The following PCDHB8 variants were observed in gnomAD, a reference collection of about 807,000 sequenced individuals.
The protein encoded by PCDHB8 is protocadherin beta 8.
For synonymous variants in PCDHB8, 385 were observed against 448.5 expected (o/e 0.86, Z 1.79); for missense variants, 836 against 1,004.0 (o/e 0.83, Z 2.26).
chr5:141,180,523 C>A lies in PCDHB8; in HGVS notation c.*83C>A. The A allele has an allele frequency of 9.4e-7, 1 of 1,067,682 alleles. No individual in the cohort carries two copies. The highest frequency in any genetic ancestry group is 1.3e-6 in the Non-Finnish European group (1 of 768,834). The allele number at this position is 1,067,682 out of a possible 1,614,324, so 66.1% of individuals were successfully genotyped here. A position where few individuals can be genotyped will look rare whatever the true frequency, so the allele number is the denominator to read the frequency against. On this transcript the variant is annotated 3_prime_UTR_variant, in exon 1 of 1. Coordinates refer to ENST00000239444, the MANE Select transcript of PCDHB8 (RefSeq NM_019120.5). Reference sequence around the variant, plus strand: ...TCAACTTAGCATAAATTTTAAATTACACTACATTTGCCCATAGTATTTGTC... The same window carrying A: ...TCAACTTAGCATAAATTTTAAATTAAACTACATTTGCCCATAGTATTTGTC...
In PCDHB8 at chr5:141,180,333, C is replaced by A. The variant is rs2740583; in HGVS notation, c.2299C>A (p.Leu767Ile). 2.3e-3 allele frequency: 3,698 copies of A among 1,613,964 alleles called. 8 individuals carry two copies. The highest frequency in any genetic ancestry group is 4.8e-3 in the Middle Eastern group (29 of 6,040). ...AGGSGTNEFQLLKPVLPNIQG... is the reference protein window; with the variant it reads ...AGGSGTNEFQILKPVLPNIQG... ...AGGCTCAGGGACGAATGAGTTCCAG[C>A]TCCTGAAACCAGTATTACCTAATAT... The change falls in exon 1 of 1, where the codon CTC (leucine) becomes ATC (isoleucine). Residue 767 changes from leucine to isoleucine, a missense_variant. Coordinates refer to ENST00000239444, the MANE Select transcript of PCDHB8 (RefSeq NM_019120.5).
rs1266906187 is a variant in PCDHB8, at chr5:141,179,211, C to A, written c.1177C>A (p.Leu393Ile). 2 of 1,614,184 alleles carry A rather than the reference C, an allele frequency of 1.2e-6. No individual in the cohort carries two copies. The highest frequency in any genetic ancestry group is 3.3e-5 in the Admixed American group (2 of 60,028). Residue 393 changes from leucine to isoleucine, a missense_variant, in exon 1 of 1, where the codon CTC (leucine) becomes ATC (isoleucine). By Grantham distance (5) the Leu-to-Ile change is conservative. Transcript: ENST00000239444. ...SCSIQEDLPF[L>I]LKSSVGNFYT... ...CTCCATTCAGGAGGATCTACCCTTC[C>A]TCCTGAAATCTTCTGTGGGGAACTT...
In PCDHB8 at chr5:141,179,005, A is replaced by T. The variant is rs782515074; in HGVS notation, c.971A>T (p.Asp324Val). ...QSYEVNIEAR[D>V]AGGFSGKCTV... is the part of the protein sequence containing the mutation. ...TATGAAGTCAATATCGAGGCGAGAGATGCTGGAGGCTTTTCTGGAAAATGC... is the reference window on the plus strand; with the variant it reads ...TATGAAGTCAATATCGAGGCGAGAGTTGCTGGAGGCTTTTCTGGAAAATGC... Residue 324 changes from aspartate (D) to valine (V), a missense_variant, in exon 1 of 1, where the codon GAT becomes GTT. Asp to Val is a radical substitution (Grantham distance 152). Transcript: ENST00000239444. The T allele has an allele frequency of 6.2e-7, 1 of 1,614,240 alleles. No homozygotes were observed. The highest frequency in any genetic ancestry group is 8.5e-7 in the Non-Finnish European group (1 of 1,180,048).
chr5:141,180,506 G>C lies in PCDHB8; in HGVS notation c.*66G>C. 3.2e-6 allele frequency: 4 copies of C among 1,241,208 alleles called. No individual in the cohort carries two copies. The allele number at this position is 1,241,208 out of a possible 1,614,324, so 76.9% of individuals were successfully genotyped here. On this transcript the variant is annotated 3_prime_UTR_variant, in exon 1 of 1. Coordinates refer to ENST00000239444, the MANE Select transcript of PCDHB8 (RefSeq NM_019120.5). ...AAAGGAATGGTTTTCTGTCAACTTAGCATAAATTTTAAATTACACTACATT... is the reference window on the plus strand; with the variant it reads ...AAAGGAATGGTTTTCTGTCAACTTACCATAAATTTTAAATTACACTACATT...
rs782799227 is a variant in PCDHB8 at position 141,180,450 on chromosome 5, T to A, written c.*10T>A. 6.7e-7 allele frequency: 1 copy of A among 1,490,116 alleles called. No homozygotes were observed. The highest frequency in any genetic ancestry group is 2.2e-5 in the Admixed American group (1 of 44,534). The allele number at this position is 1,490,116 out of a possible 1,614,324, so 92.3% of individuals were successfully genotyped here. ...CCTTCAGTTAAAGTAATTGATTTCA[T>A]ATTATATATTTTAATTTTTATGATC... On this transcript the variant is annotated 3_prime_UTR_variant, in exon 1 of 1. Coordinates refer to ENST00000239444, the MANE Select transcript of PCDHB8 (RefSeq NM_019120.5).
Position 141,179,753 on chromosome 5 carries a change from C to A in PCDHB8, c.1719C>A (p.Cys573Ter), listed in dbSNP as rs150243744. The change falls in exon 1 of 1, where the codon TGC becomes TGA. Residue 573 changes from cysteine (C) to a stop codon, truncating the protein, a stop_gained. Coordinates refer to ENST00000239444, the MANE Select transcript of PCDHB8 (RefSeq NM_019120.5). LOFTEE classifies it low-confidence loss of function (END_TRUNC). ...LYPLQNGSAPCTELVPRAAEP... is the reference protein window; with the variant it reads ...LYPLQNGSAP ...CGCTGCAGAATGGCTCCGCGCCCTGCACCGAGCTGGTGCCCCGGGCGGCCG... is the reference window on the plus strand; with the variant it reads ...CGCTGCAGAATGGCTCCGCGCCCTGAACCGAGCTGGTGCCCCGGGCGGCCG... 1,517 of 1,611,238 alleles carry A rather than the reference C, an allele frequency of 9.4e-4. 11 individuals carry two copies. In the African/African-American group the frequency reaches 0.017, roughly 18 times the overall value.
In PCDHB8 at chr5:141,178,997, G is replaced by A. The variant is rs377558320; in HGVS notation, c.963G>A (p.Glu321=). 1.1e-5 allele frequency: 17 copies of A among 1,614,118 alleles called. No individual in the cohort carries two copies. The highest frequency in any genetic ancestry group is 4.0e-5 in the African/African-American group (3 of 74,930). Residue 321 remains glutamate, a synonymous_variant, in exon 1 of 1, where the codon GAG becomes GAA. Transcript: ENST00000239444. ...EKFQSYEVNI[E]ARDAGGFSGK... is the part of the protein sequence containing the mutation. ...TTCAGTCCTATGAAGTCAATATCGA[G>A]GCGAGAGATGCTGGAGGCTTTTCTG...
At position 141,178,837 on chromosome 5, in the gene PCDHB8, C is replaced by A. The variant is rs370348215; in HGVS notation, c.803C>A (p.Thr268Lys). 1 of 1,613,758 alleles carries A rather than the reference C, an allele frequency of 6.2e-7. No individual in the cohort carries two copies. The highest frequency in any genetic ancestry group is 1.3e-5 in the African/African-American group (1 of 74,942). The change falls in exon 1 of 1, where the codon ACG becomes AAG. Residue 268 changes from threonine to lysine, a missense_variant. By Grantham distance (78) the Thr-to-Lys change is moderately conservative. Coordinates refer to ENST00000239444, the MANE Select transcript of PCDHB8 (RefSeq NM_019120.5). The part of the protein sequence containing the change: ...ISFLVVKVSA[T>K]DVDTGVNGEI... ...TTCCTGGTTGTGAAGGTCTCTGCCA[C>A]GGATGTAGACACAGGAGTCAACGGA...
At position 141,179,658 on chromosome 5, in the gene PCDHB8, T is replaced by C. The variant is rs376627994; in HGVS notation, c.1624T>C (p.Leu542=). The C allele has an allele frequency of 2.8e-5, 45 of 1,612,432 alleles. No homozygotes were observed. The highest frequency in any genetic ancestry group is 2.0e-4 in the Middle Eastern group (1 of 5,028). Residue 542 remains leucine, a synonymous_variant, in exon 1 of 1, where the codon TTG becomes CTG. Transcript: ENST00000239444. ...VGASDRGSPA[L]SSEALVRVLV... ...CGCTTCAGACCGCGGCTCCCCGGCT[T>C]TGAGCAGCGAGGCGCTGGTGCGCGT...
At position 141,180,252 on chromosome 5, in the gene PCDHB8, G is replaced by C. The variant is rs570751644; in HGVS notation, c.2218G>C (p.Val740Leu). The C allele has an allele frequency of 3.1e-6, 5 of 1,613,740 alleles. No homozygotes were observed. In the South Asian group the frequency reaches 4.4e-5, roughly 14 times the overall value. The change falls in exon 1 of 1, where the codon GTG becomes CTG. Residue 740 changes from valine (V) to leucine (L), a missense_variant. Coordinates refer to ENST00000239444, the MANE Select transcript of PCDHB8 (RefSeq NM_019120.5). ...EGPFPGHLVD[V>L]RGTGSLSQNY... ...CCCCTTTCCAGGGCATCTGGTGGACGTGAGGGGCACCGGGAGCCTGTCTCA... is the reference window on the plus strand; with the variant it reads ...CCCCTTTCCAGGGCATCTGGTGGACCTGAGGGGCACCGGGAGCCTGTCTCA...
rs782638830 is a variant in PCDHB8, at chr5:141,179,074, A to G, written c.1040A>G (p.Glu347Gly). The G allele has an allele frequency of 6.2e-7, 1 of 1,614,122 alleles. No homozygotes were observed. The highest frequency in any genetic ancestry group is 2.2e-5 in the East Asian group (1 of 44,894). The change falls in exon 1 of 1, where the codon GAA becomes GGA. Residue 347 changes from glutamate (E) to glycine (G), a missense_variant. Glu to Gly is a moderately conservative substitution (Grantham distance 98). Coordinates refer to ENST00000239444, the MANE Select transcript of PCDHB8 (RefSeq NM_019120.5). ...ATAGATGTGAACGACCATGCCCCAG[A>G]AGTTACCATGTCTGCATTTACCAGC... ...QVIDVNDHAPEVTMSAFTSPI... is the reference protein window; with the variant it reads ...QVIDVNDHAPGVTMSAFTSPI...
Position 141,179,193 on chromosome 5 carries a change from C to T in PCDHB8, c.1159C>T (p.Gln387Ter), listed in dbSNP as rs1554281119. 6.2e-7 allele frequency: 1 copy of T among 1,614,082 alleles called. No homozygotes were observed. Among genetic ancestry groups the T allele is most frequent in the African/African-American group, 1.3e-5 (1 of 74,922 alleles). ...AAATGGGAAAATAAGTTGCTCCATT[C>T]AGGAGGATCTACCCTTCCTCCTGAA... ...GENGKISCSI[Q>*]EDLPFLLKSS... is the part of the protein sequence containing the mutation. Residue 387 changes from glutamine (Q) to a stop codon, truncating the protein, a stop_gained, in exon 1 of 1, where the codon CAG becomes TAG. Transcript: ENST00000239444. LOFTEE classifies it low-confidence loss of function (END_TRUNC).
chr5:141,180,278 G>A lies in PCDHB8; in HGVS notation c.2244G>A (p.Gln748=), dbSNP rs1554281681. 4.3e-6 allele frequency: 7 copies of A among 1,613,904 alleles called. No individual in the cohort carries two copies. Among genetic ancestry groups the A allele is most frequent in the Admixed American group, 1.7e-5 (1 of 60,006 alleles). The change falls in exon 1 of 1, where the codon CAG becomes CAA. Residue 748 remains glutamine, a synonymous_variant. Coordinates refer to ENST00000239444, the MANE Select transcript of PCDHB8 (RefSeq NM_019120.5). ...VDVRGTGSLS[Q]NYQYEVCLAG... ...TGAGGGGCACCGGGAGCCTGTCTCA[G>A]AACTATCAGTACGAGGTGTGCCTGG... is the stretch of plus-strand genomic sequence containing the variant.
In PCDHB8 at chr5:141,179,991, T is replaced by A; in HGVS notation, c.1957T>A (p.Cys653Ser). The change falls in exon 1 of 1, where the codon TGC becomes AGC. Residue 653 changes from cysteine (C) to serine (S), a missense_variant. Coordinates refer to ENST00000239444, the MANE Select transcript of PCDHB8 (RefSeq NM_019120.5). ...VLVKDNGEPP[C>S]SATATLHVLL... Reference sequence around the variant, plus strand: ...GGTCAAGGACAATGGCGAGCCTCCGTGCTCGGCCACCGCCACGCTGCACGT... The same window carrying A: ...GGTCAAGGACAATGGCGAGCCTCCGAGCTCGGCCACCGCCACGCTGCACGT... 2.5e-6 allele frequency: 4 copies of A among 1,603,998 alleles called. No homozygotes were observed. The highest frequency in any genetic ancestry group is 1.3e-5 in the African/African-American group (1 of 74,944).
rs1554281726 is a variant in PCDHB8, at chr5:141,180,412, G to A, written c.2378G>A (p.Gly793Asp). Residue 793 changes from glycine (G) to aspartate (D), a missense_variant, in exon 1 of 1, where the codon GGC (glycine) becomes GAC (aspartate). Coordinates refer to ENST00000239444, the MANE Select transcript of PCDHB8 (RefSeq NM_019120.5). ...EMEQNSNFRN[G>D]FGFSLQLK ...GAACAAAACTCTAACTTTAGGAATG[G>A]CTTTGGTTTCAGCCTTCAGTTAAAG... 1 of 1,596,836 alleles carries A rather than the reference G, an allele frequency of 6.3e-7. No homozygotes were observed. The highest frequency in any genetic ancestry group is 8.6e-7 in the Non-Finnish European group (1 of 1,167,012).
chr5:141,178,978 C>A lies in PCDHB8; in HGVS notation c.944C>A (p.Ser315Tyr), dbSNP rs781978928. ...KKQLDFEKFQ[S>Y]YEVNIEARDA... is the part of the protein sequence containing the mutation. ...CAACTTGATTTCGAAAAATTTCAGTCCTATGAAGTCAATATCGAGGCGAGA... is the reference window on the plus strand; with the variant it reads ...CAACTTGATTTCGAAAAATTTCAGTACTATGAAGTCAATATCGAGGCGAGA... Residue 315 changes from serine to tyrosine, a missense_variant, in exon 1 of 1, where the codon TCC (serine) becomes TAC (tyrosine). Transcript: ENST00000239444. The A allele has an allele frequency of 1.2e-6, 2 of 1,614,208 alleles. No homozygotes were observed. Among genetic ancestry groups the A allele is most frequent in the Non-Finnish European group, 1.7e-6 (2 of 1,180,048 alleles).
chr5:141,178,568 T>G lies in PCDHB8; in HGVS notation c.534T>G (p.Tyr178Ter), dbSNP rs184970149. 3.4e-5 allele frequency: 55 copies of G among 1,614,104 alleles called. No individual in the cohort carries two copies. In the African/African-American group the frequency reaches 6.4e-4, roughly 19 times the overall value. The change falls in exon 1 of 1, where the codon TAT becomes TAG. Residue 178 changes from tyrosine (Y) to a stop codon, truncating the protein, a stop_gained. Transcript: ENST00000239444. LOFTEE classifies it low-confidence loss of function (END_TRUNC). ...ACTATATAATCAGCCCCAACTCCTATTTTCGGGTCCTCACCCGCAAACGCA... is the reference window on the plus strand; with the variant it reads ...ACTATATAATCAGCCCCAACTCCTAGTTTCGGGTCCTCACCCGCAAACGCA... ...IENYIISPNS[Y>*]FRVLTRKRSD...
rs1278590389 is a variant in PCDHB8 at position 141,179,317 on chromosome 5, G to A, written c.1283G>A (p.Gly428Glu). ...YNVTITVTDLGTPRLTTHLNM... is the reference protein window; with the variant it reads ...YNVTITVTDLETPRLTTHLNM... Reference sequence around the variant, plus strand: ...GTCACTATCACCGTCACTGACTTAGGGACACCCAGGCTGACAACACATCTC... The same window carrying A: ...GTCACTATCACCGTCACTGACTTAGAGACACCCAGGCTGACAACACATCTC... Residue 428 changes from glycine (G) to glutamate (E), a missense_variant, in exon 1 of 1, where the codon GGG becomes GAG. Gly to Glu is a moderately conservative substitution (Grantham distance 98). Coordinates refer to ENST00000239444, the MANE Select transcript of PCDHB8 (RefSeq NM_019120.5). The A allele has an allele frequency of 1.2e-6, 2 of 1,614,186 alleles. No individual in the cohort carries two copies. Among genetic ancestry groups the A allele is most frequent in the African/African-American group, 2.7e-5 (2 of 75,020 alleles).
Position 141,180,051 on chromosome 5 carries a change from C to A in PCDHB8, c.2017C>A (p.Pro673Thr). 6.2e-7 allele frequency: 1 copy of A among 1,609,782 alleles called. No individual in the cohort carries two copies. The highest frequency in any genetic ancestry group is 1.1e-5 in the South Asian group (1 of 90,986). ...GGACGGCTTCTCCCAGCCCTACCTG[C>A]CGCTTCCGGAGGCTGCCCCAGCCCA... ...LVDGFSQPYLPLPEAAPAQGQ... is the reference protein window; with the variant it reads ...LVDGFSQPYLTLPEAAPAQGQ... The change falls in exon 1 of 1, where the codon CCG (proline) becomes ACG (threonine). Residue 673 changes from proline (P) to threonine (T), a missense_variant. Transcript: ENST00000239444.
Sources: allele counts gnomAD v4.1 joint callset, GRCh38; gene constraint gnomAD v4.1.1; transcripts MANE v1.5; gene names NCBI Gene and HGNC (gene_info 2026-07-23, HGNC 2026-07-21).